Variants in NETO1 observed in about 807,000 individuals in gnomAD.
NETO1 encodes neuropilin and tolloid like 1.
Under a neutral mutation model 61.3 loss-of-function variants are expected in NETO1, and 26 were observed. The observed-to-expected ratio is 0.42, with a 90% CI of 0.31 to 0.59. NETO1 has a LOEUF of 0.59. Among genes scored for constraint, NETO1 ranks in the 20% least tolerant of loss-of-function variants. NETO1 has a pLI of 0.12. For missense variants in NETO1, 531 were observed against 662.8 expected, an observed-to-expected ratio of 0.80 and a Z score of 2.18; for synonymous variants, 225 against 225.8, an observed-to-expected ratio of 1.00 and a Z score of 0.03.
intron 4 of NETO1, among the ~76,000 whole-genome samples, chr18:72,821,979 G>A (rs2145303083): frequency 6.6e-6 from 1 of 152,260 alleles, no homozygotes; most frequent in East Asian, 1.9e-4. Flanking sequence ...GTGGGAGTGG[G>A]GCCACTGAGG....
chr18:72,777,954 G>A (rs763393536), intron 7 of NETO1, among the ~76,000 whole-genome samples: 1 of 152,034 alleles, frequency 6.6e-6, no homozygotes, highest in Admixed American at 6.6e-5. Flanking sequence ...TCTGCAGTGC[G>A]CCCCCTTGCA....
At chr18:72,858,591 T>G (rs763741977) in intron 4 of NETO1, among the ~76,000 whole-genome samples, 1 of 152,208 alleles carries the variant, frequency 6.6e-6, no homozygotes, top group Non-Finnish European at 1.5e-5. Flanking sequence ...ATGTGGCTGA[T>G]GCCCATTTAG....
intron 6 of NETO1, among the ~76,000 whole-genome samples, chr18:72,784,122 A>G (rs2071834124): frequency 1.3e-5 from 2 of 152,032 alleles, no homozygotes; most frequent in African/African-American, 4.8e-5. Flanking sequence ...TAAATGCACC[A>G]TTTTCTAGAG....
chr18:72,742,843 A>G (rs929312202), downstream of NETO1: 9 of 152,220 alleles, frequency 5.9e-5, no homozygotes, highest in Non-Finnish European at 1.2e-4. Context: ...AAAAAATTAC[A>G]TGTAAAACAC....
chr18:72,846,630 AAGCATATTTGT>A (rs1241823910), intron 4 of NETO1, among the ~76,000 whole-genome samples: 1 of 150,640 alleles, frequency 6.6e-6, no homozygotes, highest in Non-Finnish European at 1.5e-5. Context: ...AACAGAAAAT[AAGCATATTTGT>A]ATTTTTTTAT....
At chr18:72,845,809 C>T (rs1463119974) in intron 4 of NETO1, among the ~76,000 whole-genome samples, 2 of 152,310 alleles carry the variant, frequency 1.3e-5, no homozygotes, top group East Asian at 3.9e-4. Context: ...CAGAGCAAAT[C>T]ACATGTTTAT....
chr18:72,827,426 G>A (rs2073416304), intron 4 of NETO1, among the ~76,000 whole-genome samples: 1 of 152,206 alleles, frequency 6.6e-6, no homozygotes, highest in African/African-American at 2.4e-5. Context: ...TGTAGCCTGG[G>A]TTGGAGGGAC....
intron 8 of NETO1, among the ~76,000 whole-genome samples, chr18:72,755,504 G>T (rs2070753091): frequency 6.6e-6 from 1 of 152,090 alleles, no homozygotes; most frequent in African/African-American, 2.4e-5. Context: ...ACAAGCCTTT[G>T]TGTATAGACA....
Position 72,799,301 on chromosome 18 carries a change from G to A in NETO1, c.470-4897C>T, listed in dbSNP as rs188067311. Among the ~76,000 whole-genome samples the A allele has an allele frequency of 1.4e-4, 22 of 152,320 alleles. 1 individual carries two copies. The highest frequency in any genetic ancestry group is 1.1e-3 in the Admixed American group (17 of 15,304). On this transcript the variant is annotated intron_variant, in intron 4 of 10. Transcript: ENST00000327305. ...ACCATGGTATGCAATCTGGGATGAC[G>A]AGTCTACCAGTACTGACAACGAGTC... is the stretch of plus-strand genomic sequence containing the variant.
intron 3 of NETO1, 114 bp from the exon 4 acceptor site, chr18:72,859,188 T>C: frequency 9.8e-7 from 1 of 1,016,456 alleles, no homozygotes; most frequent in Non-Finnish European, 1.4e-6. Flanking sequence ...TTATGGATGA[T>C]ATGCATAGAA....
intron 1 of NETO1, chr18:72,865,495 T>G: frequency 6.6e-7 from 1 of 1,511,600 alleles, no homozygotes; most frequent in Non-Finnish European, 9.1e-7. Context: ...CATCATTCAC[T>G]CTAAAGGCAA....
intron 1 of NETO1, chr18:72,865,777 T>C: frequency 7.8e-7 from 1 of 1,288,936 alleles, no homozygotes; most frequent in Non-Finnish European, 1.0e-6. Flanking sequence ...TTAATGTGGA[T>C]TGTGGGCATT....
At chr18:72,801,722 T>C (rs1292540498) in intron 4 of NETO1, among the ~76,000 whole-genome samples, 1 of 152,222 alleles carries the variant, frequency 6.6e-6, no homozygotes, top group African/African-American at 2.4e-5. Context: ...CTTTATTTTG[T>C]AAATCTATTT....
In NETO1 at chr18:72,746,106, C is replaced by T. The variant is rs1265326269; in HGVS notation, c.*2073G>A. The T allele has an allele frequency of 2.0e-5, 3 of 151,912 alleles. No individual in the cohort carries two copies. Among genetic ancestry groups the T allele is most frequent in the South Asian group, 2.1e-4 (1 of 4,804 alleles). 9.4% of individuals were successfully genotyped at this position (151,912 alleles called of 1,614,324 possible). ...GAGAAACTGGAGGGGACGGACATGC[C>T]GGACAGTTATAGAACAAATTAATAG... On this transcript the variant is annotated 3_prime_UTR_variant, in exon 11 of 11. Transcript: ENST00000327305.
chr18:72,780,592 C>A lies in NETO1; in HGVS notation c.868+3086G>T, dbSNP rs533654717. Among the ~76,000 whole-genome samples, 19 of 152,214 alleles carry A rather than the reference C, an allele frequency of 1.2e-4. No homozygotes were observed. The South Asian group carries it at 3.9e-3, about 32-fold the overall frequency. ...ATACCGTTCATGCCAGATAATAATC[C>A]ATTTTCAGATCCAATCACCCATCTA... On this transcript the variant is annotated intron_variant, in intron 7 of 10. Transcript: ENST00000327305.
At chr18:72,777,660 G>A (rs899553296) in intron 7 of NETO1, among the ~76,000 whole-genome samples, 1 of 149,804 alleles carries the variant, frequency 6.7e-6, no homozygotes. Flanking sequence ...GGAGAATGGC[G>A]TGAACCCGGG....
chr18:72,815,974 G>C (rs930507802), intron 4 of NETO1, among the ~76,000 whole-genome samples: 2 of 152,086 alleles, frequency 1.3e-5, no homozygotes, highest in Non-Finnish European at 2.9e-5. Context: ...CTTCTCTTAG[G>C]TGCAGACAGG....
At chr18:72,804,488 T>C (rs2072611946) in intron 4 of NETO1, among the ~76,000 whole-genome samples, 1 of 152,178 alleles carries the variant, frequency 6.6e-6, no homozygotes, top group South Asian at 2.1e-4. Context: ...ATGAAAGAAA[T>C]AGGGAATTGA....
chr18:72,799,137 C>T (rs542145811), intron 4 of NETO1, among the ~76,000 whole-genome samples: 1 of 152,300 alleles, frequency 6.6e-6, no homozygotes, highest in South Asian at 2.1e-4. Flanking sequence ...TTGATCCTGC[C>T]TGCTGCTAAG....
Sources: gnomAD v4.1 joint callset for allele counts (sites outside exome capture counted in the v4.1 genomes callset) on GRCh38, gnomAD v4.1.1 for gene constraint, MANE v1.5 for transcripts, NCBI Gene and HGNC (gene_info 2026-07-23, HGNC 2026-07-21) for gene names.